SPECC1L: variants seen among roughly 807,000 people sequenced by gnomAD.
The protein encoded by SPECC1L is sperm antigen with calponin homology and coiled-coil domains 1 like.
In SPECC1L, 40 loss-of-function variants were observed where a neutral mutation model predicts 116.8. That is an observed-to-expected ratio of 0.34 (90% confidence interval 0.27 to 0.45). The LOEUF is 0.45. Among genes scored for constraint, SPECC1L ranks in the 20% least tolerant of loss-of-function variants. The probability of loss-of-function intolerance (pLI) is 1.00; values close to 1 mark genes in which losing one functional copy is unlikely to be tolerated. For missense variants in SPECC1L, 1,110 were observed against 1,373.6 expected, an observed-to-expected ratio of 0.81 and a Z score of 3.03; for synonymous variants, 504 against 500.6, an observed-to-expected ratio of 1.01 and a Z score of -0.09.
rs58725731 is a variant in SPECC1L, at chr22:24,327,277, C to CAAA, written c.2147-1546_2147-1544dup. Among the ~76,000 whole-genome samples the CAAA allele has an allele frequency of 7.8e-3, 326 of 41,710 alleles. 1 individual carries two copies. Among genetic ancestry groups the CAAA allele is most frequent in the Middle Eastern group, 0.048 (2 of 42 alleles). 27.4% of individuals were successfully genotyped at this position (41,710 alleles called of 152,430 possible). On this transcript the variant is annotated intron_variant, in intron 6 of 16. Coordinates refer to ENST00000314328, the MANE Select transcript of SPECC1L (RefSeq NM_015330.6). The stretch of plus-strand genomic sequence containing the variant: ...TGGGCAACAGATTGAGACTCCGTCT[C>CAAA]AAAAAAAAAAAAAAAAAAAAAAAAA...
chr22:24,385,272 AT>A (rs1244952137), intron 14 of SPECC1L, among the ~76,000 whole-genome samples: 1 of 152,168 alleles, frequency 6.6e-6, no homozygotes, highest in African/African-American at 2.4e-5. Flanking sequence ...TAAGTAGAAT[AT>A]TAATACTTGA....
intron 5 of SPECC1L, 130 bp downstream of exon 5, chr22:24,323,048 A>G: frequency 7.1e-7 from 1 of 1,416,910 alleles, no homozygotes. Flanking sequence ...GATATTTTTA[A>G]AACTTGGGAA....
At chr22:24,342,735 ATC>A (rs1422210786) in intron 10 of SPECC1L, among the ~76,000 whole-genome samples, 16 of 152,038 alleles carry the variant, frequency 1.1e-4, no homozygotes, top group African/African-American at 3.9e-4. Context: ...TAGCAGTAGA[ATC>A]TGTCCATAAT....
Position 24,397,796 on chromosome 22 carries a change from C to CT in SPECC1L, c.3088-13789dup, listed in dbSNP as rs2042396429. ...TTTTAGAAGTGAAGCCTGTTTTTTT[C>CT]TTTCTCTTTAAATTCTCTGGACTTT... On this transcript the variant is annotated intron_variant, in intron 14 of 16. Transcript: ENST00000314328. 2.6e-5 allele frequency among the ~76,000 whole-genome samples: 4 copies of CT among 152,002 alleles called. No individual in the cohort carries two copies. The South Asian group carries it at 6.2e-4, about 24-fold the overall frequency.
intron 11 of SPECC1L, among the ~76,000 whole-genome samples, chr22:24,351,644 T>G (rs1358779729): frequency 6.6e-6 from 1 of 152,084 alleles, no homozygotes; most frequent in African/African-American, 2.4e-5. Context: ...ACTGTGATCG[T>G]TTATCTTAAA....
intron 14 of SPECC1L, among the ~76,000 whole-genome samples, chr22:24,406,990 C>T (rs1250115523): frequency 1.3e-5 from 2 of 152,230 alleles, no homozygotes. Flanking sequence ...GAGCCCGGCT[C>T]ATTCTCCCAA....
chr22:24,381,573 G>GT (rs2042062442), intron 14 of SPECC1L, among the ~76,000 whole-genome samples: 1 of 152,162 alleles, frequency 6.6e-6, no homozygotes, highest in Admixed American at 6.5e-5. Flanking sequence ...GAATTCTAAG[G>GT]TTTTTTTCCT....
intron 11 of SPECC1L, among the ~76,000 whole-genome samples, chr22:24,362,178 G>A (rs2041659079): frequency 1.3e-5 from 2 of 152,128 alleles, no homozygotes; most frequent in African/African-American, 2.4e-5. Context: ...GAGTCTTGTC[G>A]GGCTGTAGCC....
intron 1 of SPECC1L, among the ~76,000 whole-genome samples, chr22:24,271,582 G>T (rs2048728347): frequency 1.3e-5 from 2 of 152,272 alleles, no homozygotes; most frequent in Non-Finnish European, 2.9e-5. Flanking sequence ...AGGAAATTTT[G>T]CGTTTCCAGG....
At chr22:24,280,248 T>A (rs2048916342) in intron 2 of SPECC1L, among the ~76,000 whole-genome samples, 1 of 152,184 alleles carries the variant, frequency 6.6e-6, no homozygotes, top group Non-Finnish European at 1.5e-5. Context: ...GAATGGTGTT[T>A]TGCTTACCTA....
intron 9 of SPECC1L, among the ~76,000 whole-genome samples, chr22:24,335,738 G>A (rs926523809): frequency 6.6e-6 from 1 of 152,146 alleles, no homozygotes; most frequent in African/African-American, 2.4e-5. Context: ...CTGGAGGACT[G>A]TTAGGCAACA....
chr22:24,387,047 T>A (rs567803375), intron 14 of SPECC1L, among the ~76,000 whole-genome samples: 29 of 152,334 alleles, frequency 1.9e-4, no homozygotes, highest in African/African-American at 7.0e-4. Context: ...CAAGAACACT[T>A]GCACCCTGCT....
At chr22:24,280,074 T>C (rs1282540540) in intron 2 of SPECC1L, among the ~76,000 whole-genome samples, 1 of 152,248 alleles carries the variant, frequency 6.6e-6, no homozygotes, top group Non-Finnish European at 1.5e-5. Context: ...CATGAGTTAC[T>C]GAGGAGTTTC....
intron 10 of SPECC1L, among the ~76,000 whole-genome samples, chr22:24,341,522 A>T (rs2041176956): frequency 6.6e-6 from 1 of 152,206 alleles, no homozygotes. Flanking sequence ...AGTATTCTAG[A>T]TCTGCCGTAA....
intron 3 of SPECC1L, among the ~76,000 whole-genome samples, chr22:24,304,803 C>A (rs377688165): frequency 1.3e-5 from 2 of 152,172 alleles, no homozygotes; most frequent in African/African-American, 4.8e-5. Flanking sequence ...TCCTCGGAAA[C>A]TTGAAAGGTA....
chr22:24,299,304 G>A (rs866271185), intron 2 of SPECC1L, among the ~76,000 whole-genome samples: 1 of 152,124 alleles, frequency 6.6e-6, no homozygotes, highest in Non-Finnish European at 1.5e-5. Flanking sequence ...AGGCATGGTG[G>A]TTCACACTTG....
At chr22:24,298,918 C>T (rs938360373) in intron 2 of SPECC1L, among the ~76,000 whole-genome samples, 1 of 152,216 alleles carries the variant, frequency 6.6e-6, no homozygotes, top group Non-Finnish European at 1.5e-5. Context: ...CAGATTGACA[C>T]ATAAATTAAC....
intron 11 of SPECC1L, among the ~76,000 whole-genome samples, chr22:24,354,300 T>C (rs1027548129): frequency 1.3e-5 from 2 of 152,200 alleles, no homozygotes; most frequent in African/African-American, 4.8e-5. Context: ...GATTTCAGCA[T>C]TTATTTATGC....
chr22:24,327,784 A>G (rs1437786680), intron 6 of SPECC1L, among the ~76,000 whole-genome samples: 1 of 152,216 alleles, frequency 6.6e-6, no homozygotes, highest in African/African-American at 2.4e-5. Flanking sequence ...AGGTCATCAC[A>G]TGGCTTCTTC....
Sources: allele counts gnomAD v4.1 joint callset (sites outside exome capture counted in the v4.1 genomes callset), GRCh38; gene constraint gnomAD v4.1.1; transcripts MANE v1.5; gene names NCBI Gene and HGNC (gene_info 2026-07-23, HGNC 2026-07-21).